Variants in CSMD1 observed in about 807,000 individuals in gnomAD.
The protein encoded by CSMD1 is CUB and Sushi multiple domains 1, also known as CUB and sushi domain-containing protein 1.
Under a neutral mutation model 417.5 loss-of-function variants are expected in CSMD1, and 213 were observed. That is an observed-to-expected ratio of 0.51 (90% confidence interval 0.46 to 0.57). The LOEUF is 0.57. CSMD1 is among the 20% of genes least tolerant of loss of function. The pLI, the probability that CSMD1 is intolerant of heterozygous loss-of-function variation, is 0.00. For synonymous variants in CSMD1, 2,862 were observed against 1,736.8 expected (o/e 1.65, Z -16.11); for missense variants, 6,923 against 4,529.7 (o/e 1.53, Z -15.17).
chr8:4,808,205 C>G (rs569547110), intron 1 of CSMD1, among the ~76,000 whole-genome samples: 1 of 152,266 alleles, frequency 6.6e-6, no homozygotes, highest in African/African-American at 2.4e-5. Flanking sequence ...TTGCCAGCAC[C>G]AGTCGGTCAG....
intron 1 of CSMD1, among the ~76,000 whole-genome samples, chr8:4,891,185 G>A (rs936489828): frequency 6.6e-6 from 1 of 152,090 alleles, no homozygotes; most frequent in South Asian, 2.1e-4. Context: ...AATACATCTG[G>A]AAGTGAAACA....
At chr8:4,696,633 C>CT (rs1030311734) in intron 1 of CSMD1, among the ~76,000 whole-genome samples, 7 of 152,248 alleles carry the variant, frequency 4.6e-5, no homozygotes, top group African/African-American at 1.7e-4. Flanking sequence ...GTATTTCATA[C>CT]TTTTTTCATT....
intron 10 of CSMD1, among the ~76,000 whole-genome samples, chr8:3,526,043 A>G (rs1029604964): frequency 6.6e-6 from 1 of 152,058 alleles, no homozygotes; most frequent in Admixed American, 6.6e-5. Flanking sequence ...TTAAACAATT[A>G]ATAGCCTGGG....
At chr8:3,190,201 A>G (rs925037715) in intron 33 of CSMD1, 86 bp from the exon 34 acceptor site, 1 of 994,956 alleles carries the variant, frequency 1.0e-6, no homozygotes, top group African/African-American at 1.6e-5. Flanking sequence ...AGATGGGACC[A>G]AGGAGAGCTG....
intron 2 of CSMD1, among the ~76,000 whole-genome samples, chr8:4,429,443 A>T (rs1173052069): frequency 6.6e-6 from 1 of 152,152 alleles, no homozygotes; most frequent in East Asian, 1.9e-4. Flanking sequence ...TTTTGTGAAC[A>T]GTGGCTCAGT....
At chr8:4,030,271 G>C (rs1213928520) in intron 4 of CSMD1, among the ~76,000 whole-genome samples, 2 of 152,186 alleles carry the variant, frequency 1.3e-5, no homozygotes, top group Non-Finnish European at 2.9e-5. Flanking sequence ...CACTGCCCTA[G>C]CAAAGGTTCT....
At chr8:3,724,682 G>C (rs767954460) in intron 6 of CSMD1, among the ~76,000 whole-genome samples, 4 of 152,116 alleles carry the variant, frequency 2.6e-5, no homozygotes, top group African/African-American at 9.7e-5. Flanking sequence ...GGGAGTCCAT[G>C]AAATTAAATA....
chr8:3,782,954 C>A (rs981126031), intron 5 of CSMD1, among the ~76,000 whole-genome samples: 1 of 152,096 alleles, frequency 6.6e-6, no homozygotes, highest in African/African-American at 2.4e-5. Context: ...AGCCTCTAAA[C>A]CAAATTGTAG....
chr8:4,326,641 C>G (rs10046757), intron 3 of CSMD1, among the ~76,000 whole-genome samples: 63,285 of 151,848 alleles, frequency 0.42, 14,464 homozygotes, highest in African/African-American at 0.61. Context: ...AGGATAAAAG[C>G]ATCTACCCAA....
chr8:4,764,044 A>C (rs578152452), intron 1 of CSMD1, among the ~76,000 whole-genome samples: 1 of 152,312 alleles, frequency 6.6e-6, no homozygotes, highest in Middle Eastern at 3.4e-3. Flanking sequence ...ATGCCCATGA[A>C]TTACGCTGGC....
Position 4,301,069 on chromosome 8 carries a change from T to C in CSMD1, c.415+118884A>G, listed in dbSNP as rs566903173. ...AAGTCAGAAGGAGCCAAATCAGGACTGTAAAGTGGATGCCTAATGAGTTCC... is the reference window on the plus strand; with the variant it reads ...AAGTCAGAAGGAGCCAAATCAGGACCGTAAAGTGGATGCCTAATGAGTTCC... On this transcript the variant is annotated intron_variant, in intron 3 of 69. Coordinates refer to ENST00000635120, the MANE Select transcript of CSMD1 (RefSeq NM_033225.6). Among the ~76,000 whole-genome samples, 32 of 152,302 alleles carry C rather than the reference T, an allele frequency of 2.1e-4. No homozygotes were observed. The South Asian group carries it at 4.1e-3, about 20-fold the overall frequency.
intron 1 of CSMD1, among the ~76,000 whole-genome samples, chr8:4,825,435 C>T (rs1302680422): frequency 6.6e-6 from 1 of 152,078 alleles, no homozygotes; most frequent in South Asian, 2.1e-4. Flanking sequence ...TGTAGACCAG[C>T]AGTTTTCTAG....
At chr8:3,263,689 T>C (rs1450225877) in intron 26 of CSMD1, among the ~76,000 whole-genome samples, 3 of 152,230 alleles carry the variant, frequency 2.0e-5, no homozygotes, top group African/African-American at 7.2e-5. Flanking sequence ...GATAAGTGAA[T>C]ACTGTTCACA....
intron 2 of CSMD1, among the ~76,000 whole-genome samples, chr8:4,432,387 C>A (rs183926521): frequency 6.6e-6 from 1 of 152,104 alleles, no homozygotes. Flanking sequence ...TTAACCTACA[C>A]TAAGGCAGGT....
intron 1 of CSMD1, among the ~76,000 whole-genome samples, chr8:4,771,321 G>A (rs17419350): frequency 2.6e-5 from 4 of 152,168 alleles, no homozygotes; most frequent in African/African-American, 9.7e-5. Flanking sequence ...GTTTCTCCCA[G>A]CTGACAATAA....
chr8:2,944,561 A>G (rs1383024812), intron 68 of CSMD1, among the ~76,000 whole-genome samples: 2 of 152,146 alleles, frequency 1.3e-5, no homozygotes, highest in Non-Finnish European at 2.9e-5. Context: ...ACAAAAATGT[A>G]ACTTTCCTGA....
intron 26 of CSMD1, chr8:3,278,429 A>C (rs1278855778): frequency 6.6e-6 from 1 of 152,232 alleles, no homozygotes; most frequent in East Asian, 1.9e-4. Context: ...CATAGAATCA[A>C]GTAAAAATAG....
chr8:4,617,459 C>G (rs1034327430), intron 2 of CSMD1, among the ~76,000 whole-genome samples: 1 of 152,082 alleles, frequency 6.6e-6, no homozygotes, highest in Non-Finnish European at 1.5e-5. Context: ...AGGCAAATGC[C>G]TTGCCAGAAA....
chr8:4,986,336 A>G (rs1479104770), intron 1 of CSMD1, among the ~76,000 whole-genome samples: 2 of 152,224 alleles, frequency 1.3e-5, no homozygotes, highest in Non-Finnish European at 2.9e-5. Flanking sequence ...AGGAATATCA[A>G]CTTCAGGTAG....
Sources: allele counts gnomAD v4.1 joint callset (sites outside exome capture counted in the v4.1 genomes callset), GRCh38; gene constraint gnomAD v4.1.1; transcripts MANE v1.5; gene names NCBI Gene and HGNC (gene_info 2026-07-23, HGNC 2026-07-21).